Variants in SUSD1 observed in about 807,000 individuals in gnomAD.
SUSD1 encodes the protein sushi domain containing 1.
In SUSD1, 65 loss-of-function variants were observed where a neutral mutation model predicts 86.9. The observed-to-expected ratio is 0.75, with a 90% confidence interval of 0.61 to 0.92. The LOEUF (loss-of-function observed/expected upper bound fraction) is 0.92. Among genes scored for constraint, SUSD1 ranks in the 40% least tolerant of loss-of-function variants. The pLI is 0.00. For synonymous variants in SUSD1, 346 were observed against 350.0 expected (o/e 0.99, Z 0.13); for missense variants, 850 against 929.7 (o/e 0.91, Z 1.11).
chr9:112,124,364 C>T lies in SUSD1; in HGVS notation c.779G>A (p.Gly260Asp), dbSNP rs529308626. ...CTCTTGACAGACATAGCGAGCCACA[C>T]CGCCCAGCCTGGAGCTGTGATTTCC... The part of the protein sequence containing the change: ...LVGNHSSRLG[G>D]VARYVCQEGF... The change falls in exon 6 of 17, where the codon GGT (glycine) becomes GAT (aspartate). Residue 260 changes from glycine (G) to aspartate (D), a missense_variant. Physicochemically the swap from Gly to Asp is moderately conservative, Grantham distance 94. Transcript: ENST00000374270. 270 of 1,614,190 alleles carry T rather than the reference C, an allele frequency of 1.7e-4. 1 individual carries two copies. The Admixed American group carries it at 4.4e-3, about 26-fold the overall frequency.
chr9:112,105,836 G>A (rs892288831), intron 8 of SUSD1, among the ~76,000 whole-genome samples: 6 of 152,042 alleles, frequency 3.9e-5, no homozygotes, highest in Non-Finnish European at 7.4e-5. Flanking sequence ...TGTCACTTTC[G>A]AATTCCCAAT....
intron 13 of SUSD1, among the ~76,000 whole-genome samples, 185 bp from the exon 14 acceptor site, chr9:112,058,871 G>A (rs1473382546): frequency 1.3e-5 from 2 of 152,056 alleles, no homozygotes; most frequent in African/African-American, 4.8e-5. Context: ...TCGGCTCACT[G>A]CAACCTCCAT....
chr9:112,124,499 C>A (rs933430639), intron 5 of SUSD1, 63 bp from the exon 6 acceptor site: 3 of 1,474,538 alleles, frequency 2.0e-6, no homozygotes, highest in Non-Finnish European at 2.7e-6. Flanking sequence ...CAATTCATAT[C>A]TTTAAAATAA....
chr9:112,135,340 A>G (rs1302093836), intron 5 of SUSD1, among the ~76,000 whole-genome samples: 1 of 152,232 alleles, frequency 6.6e-6, no homozygotes, highest in Non-Finnish European at 1.5e-5. Context: ...CTTGGAGGAA[A>G]AAGAACATTT....
intron 1 of SUSD1, among the ~76,000 whole-genome samples, chr9:112,165,942 G>GAAAGAAAGA (rs11377595): frequency 0.028 from 2,016 of 71,868 alleles, 64 homozygotes; most frequent in East Asian, 0.034. Context: ...AAGAAAGAAA[G>GAAAGAAAGA]AAGAAAGAAA....
intron 3 of SUSD1, among the ~76,000 whole-genome samples, chr9:112,146,361 CT>C (rs1832810139): frequency 1.3e-5 from 2 of 152,102 alleles, no homozygotes; most frequent in South Asian, 2.1e-4. Context: ...CTAAAAACCA[CT>C]GAGTTGTATA....
chr9:112,143,174 T>G (rs923797326), intron 4 of SUSD1, among the ~76,000 whole-genome samples: 1 of 151,238 alleles, frequency 6.6e-6, no homozygotes, highest in African/African-American at 2.4e-5. Context: ...TTAGTAGAGA[T>G]AGGGTTTCAC....
rs759805563 is a variant in SUSD1 at position 112,143,482 on chromosome 9, G to A, written c.515C>T (p.Thr172Ile). The change falls in exon 4 of 17, where the codon ACA becomes ATA. Residue 172 changes from threonine to isoleucine, a missense_variant. Thr to Ile is a moderately conservative substitution (Grantham distance 89). Transcript: ENST00000374270. ...TGGCAGAAACCCACCTGTGCATGAT[G>A]TGGCATCGGTGGTCGGGTGGAAAGG... ...PEPFHPTTDATSCTEIDCGTP... is the reference protein window; with the variant it reads ...PEPFHPTTDAISCTEIDCGTP... 6.2e-7 allele frequency: 1 copy of A among 1,613,244 alleles called. No homozygotes were observed. Among genetic ancestry groups the A allele is most frequent in the East Asian group, 2.2e-5 (1 of 44,868 alleles).
In SUSD1 at chr9:112,098,614, T is replaced by C. The variant is rs144111205; in HGVS notation, c.1330A>G (p.Thr444Ala). ...TCCCTCGTTGTGAAGTTAAACGATGTTGCATGAGAAAAGTTAGCCAGATAC... is the reference window on the plus strand; with the variant it reads ...TCCCTCGTTGTGAAGTTAAACGATGCTGCATGAGAAAAGTTAGCCAGATAC... ...RWYLANFSHA[T>A]SFNFTTREQV... Residue 444 changes from threonine (T) to alanine (A), a missense_variant, in exon 10 of 17, where the codon ACA becomes GCA. Thr to Ala is a moderately conservative substitution (Grantham distance 58, BLOSUM62 0). Coordinates refer to ENST00000374270, the MANE Select transcript of SUSD1 (RefSeq NM_022486.5). 2.4e-5 allele frequency: 38 copies of C among 1,614,044 alleles called. No individual in the cohort carries two copies. In the African/African-American group the frequency reaches 3.7e-4, roughly 16 times the overall value.
intron 15 of SUSD1, 157 bp from the exon 16 acceptor site, chr9:112,042,117 T>C (rs1014803592): frequency 1.9e-6 from 3 of 1,541,316 alleles, no homozygotes; most frequent in Non-Finnish European, 2.6e-6. Flanking sequence ...GTCCCCTGAG[T>C]TGGCCCTGTG....
At chr9:112,163,160 T>C (rs1833640791) in intron 1 of SUSD1, among the ~76,000 whole-genome samples, 1 of 152,090 alleles carries the variant, frequency 6.6e-6, no homozygotes, top group Admixed American at 6.6e-5. Flanking sequence ...GTTTGTTTGT[T>C]TGTTGAGACA....
chr9:112,053,959 A>G (rs1425948028), intron 14 of SUSD1, among the ~76,000 whole-genome samples: 2 of 152,226 alleles, frequency 1.3e-5, no homozygotes. Context: ...AGTTGGTAGA[A>G]TTGACATGAT....
At chr9:112,121,575 C>A (rs1831556805) in intron 6 of SUSD1, among the ~76,000 whole-genome samples, 1 of 152,194 alleles carries the variant, frequency 6.6e-6, no homozygotes, top group Non-Finnish European at 1.5e-5. Flanking sequence ...CCATCCCCAA[C>A]ATCGTTATGA....
chr9:112,171,047 C>T (rs944066312), intron 1 of SUSD1, among the ~76,000 whole-genome samples: 1 of 152,156 alleles, frequency 6.6e-6, no homozygotes, highest in African/African-American at 2.4e-5. Flanking sequence ...CCACAATCTG[C>T]AGCAATCATT....
chr9:112,083,118 A>G (rs1189040565), intron 10 of SUSD1, among the ~76,000 whole-genome samples: 26 of 152,246 alleles, frequency 1.7e-4, no homozygotes, highest in Non-Finnish European at 1.3e-4. Flanking sequence ...GTAGCAGAAT[A>G]TAATAGAAAA....
chr9:112,142,567 C>A (rs1832625429), intron 4 of SUSD1, 68 bp from the exon 5 acceptor site: 1 of 1,472,166 alleles, frequency 6.8e-7, no homozygotes, highest in South Asian at 1.2e-5. Flanking sequence ...CAATCTCTCT[C>A]CACCTCTACC....
At chr9:112,142,661 A>C (rs930083130) in intron 4 of SUSD1, 162 bp from the exon 5 acceptor site, 13 of 635,198 alleles carry the variant, frequency 2.0e-5, no homozygotes, top group Admixed American at 3.5e-5. Context: ...CATTTCCAAC[A>C]ATTGTCTTTA....
chr9:112,118,671 G>C (rs1409041350), intron 6 of SUSD1, among the ~76,000 whole-genome samples: 2 of 152,122 alleles, frequency 1.3e-5, no homozygotes, highest in African/African-American at 4.8e-5. Flanking sequence ...CTTTAGTAGA[G>C]ACGGGGTTTC....
At chr9:112,053,334 G>A (rs1282903900) in intron 14 of SUSD1, among the ~76,000 whole-genome samples, 2 of 151,752 alleles carry the variant, frequency 1.3e-5, no homozygotes, top group East Asian at 1.9e-4. Context: ...GGCCAACATG[G>A]TGAAACCCCA....
Sources: gnomAD v4.1 joint callset for allele counts (sites outside exome capture counted in the v4.1 genomes callset) on GRCh38, gnomAD v4.1.1 for gene constraint, MANE v1.5 for transcripts, NCBI Gene and HGNC (gene_info 2026-07-23, HGNC 2026-07-21) for gene names.